MACROD2: variants seen among roughly 807,000 people sequenced by gnomAD.
The protein encoded by MACROD2 is mono-ADP ribosylhydrolase 2.
Under a neutral mutation model 70.4 loss-of-function variants are expected in MACROD2, and 36 were observed. The ratio of observed to expected loss-of-function variants is 0.51; its 90% confidence interval spans 0.39 to 0.68. The LOEUF (loss-of-function observed/expected upper bound fraction) is 0.68. Ranked by LOEUF, MACROD2 falls within the 30% of genes least tolerant of loss-of-function variation. The probability of loss-of-function intolerance (pLI) is 0.00; values close to 1 mark genes in which losing one functional copy is unlikely to be tolerated. For missense variants in MACROD2, 496 were observed against 538.4 expected (o/e 0.92, Z 0.78); for synonymous variants, 172 against 178.8 (o/e 0.96, Z 0.30).
chr20:16,036,040 A>C (rs1044105861), intron 15 of MACROD2, among the ~76,000 whole-genome samples: 1 of 152,000 alleles, frequency 6.6e-6, no homozygotes, highest in Non-Finnish European at 1.5e-5. Flanking sequence ...ATCTAATCCA[A>C]TTACATTAAT....
At chr20:14,786,212 G>T (rs967306274) in intron 5 of MACROD2, among the ~76,000 whole-genome samples, 2 of 149,968 alleles carry the variant, frequency 1.3e-5, no homozygotes, top group African/African-American at 5.0e-5. Flanking sequence ...GATAGAGAGA[G>T]AGAGAGAGAG....
intron 5 of MACROD2, among the ~76,000 whole-genome samples, chr20:14,720,850 C>T (rs991869341): frequency 2.0e-5 from 3 of 151,954 alleles, no homozygotes; most frequent in African/African-American, 7.2e-5. Flanking sequence ...CTGCTCCCGC[C>T]CACAAAACTT....
intron 8 of MACROD2, among the ~76,000 whole-genome samples, chr20:15,789,297 C>T (rs1346035550): frequency 6.6e-6 from 1 of 152,084 alleles, no homozygotes; most frequent in South Asian, 2.1e-4. Context: ...TTTTGGATTG[C>T]GTTCAGAGTC....
At chr20:15,486,052 T>C (rs757999357) in intron 7 of MACROD2, among the ~76,000 whole-genome samples, 1 of 152,162 alleles carries the variant, frequency 6.6e-6, no homozygotes, top group Non-Finnish European at 1.5e-5. Context: ...TGGGAGTTGA[T>C]ATTATAGACA....
At chr20:15,864,407 A>G (rs926563013) in intron 9 of MACROD2, among the ~76,000 whole-genome samples, 9 of 152,174 alleles carry the variant, frequency 5.9e-5, no homozygotes, top group African/African-American at 1.9e-4. Flanking sequence ...ATCATAATTG[A>G]TAAGATTTTA....
At position 15,353,467 on chromosome 20, in the gene MACROD2, CAA is replaced by C. The variant is rs1236184633; in HGVS notation, c.541-77935_541-77934del. 7.9e-5 allele frequency among the ~76,000 whole-genome samples: 12 copies of C among 151,984 alleles called. No homozygotes were observed. The East Asian group carries it at 2.3e-3, about 29-fold the overall frequency. ...GGCAAGGACTTCTTGTCTAAAACACCAAAAGCAATGGCAACAAAAGCCAAAAT... is the reference window on the plus strand; with the variant it reads ...GGCAAGGACTTCTTGTCTAAAACACCAAGCAATGGCAACAAAAGCCAAAAT... On this transcript the variant is annotated intron_variant, in intron 6 of 17. Transcript: ENST00000684519.
intron 13 of MACROD2, among the ~76,000 whole-genome samples, chr20:15,971,798 G>C (rs2066234687): frequency 6.6e-6 from 1 of 152,052 alleles, no homozygotes; most frequent in Non-Finnish European, 1.5e-5. Context: ...AGCATCCATG[G>C]AACTGTGGCT....
rs114043133 is a variant in MACROD2, at chr20:15,317,823, G to A, written c.540+87762G>A. 6.6e-3 allele frequency among the ~76,000 whole-genome samples: 1,008 copies of A among 152,026 alleles called. 11 individuals carry two copies. Among genetic ancestry groups the A allele is most frequent in the African/African-American group, 0.023 (951 of 41,464 alleles). On this transcript the variant is annotated intron_variant, in intron 6 of 17. Coordinates refer to ENST00000684519, the MANE Select transcript of MACROD2 (RefSeq NM_001351661.2). ...AACTGGTTGAAGCCCAAGCACATTA[G>A]GGAGGAAGGACAGTCTGCATTACTC... is the stretch of plus-strand genomic sequence containing the variant.
intron 8 of MACROD2, among the ~76,000 whole-genome samples, chr20:15,801,201 A>AAGGG (rs368711907): frequency 2.0e-5 from 2 of 98,110 alleles, no homozygotes; most frequent in African/African-American, 7.3e-5. Context: ...AAAAAAAAAA[A>AAGGG]AAACGAAAAA....
intron 12 of MACROD2, among the ~76,000 whole-genome samples, chr20:15,961,407 C>T (rs937064692): frequency 2.0e-5 from 3 of 152,172 alleles, no homozygotes; most frequent in African/African-American, 7.2e-5. Context: ...TCTGAGCCAA[C>T]AAGGTAGGTT....
At position 14,506,094 on chromosome 20, in the gene MACROD2, CTT is replaced by C. The variant is rs562741784; in HGVS notation, c.301+12588_301+12589del. On this transcript the variant is annotated intron_variant, in intron 4 of 17. Coordinates refer to ENST00000684519, the MANE Select transcript of MACROD2 (RefSeq NM_001351661.2). ...TCTGTAGTCAAACAAGACTCATAGA[CTT>C]TGAGTGGTGAGTGATTAATACGCCC... is the stretch of plus-strand genomic sequence containing the variant. Among the ~76,000 whole-genome samples, 255 of 152,158 alleles carry C rather than the reference CTT, an allele frequency of 1.7e-3. 1 individual carries two copies. Among genetic ancestry groups the C allele is most frequent in the African/African-American group, 5.8e-3 (241 of 41,534 alleles).
At chr20:15,232,427 A>C (rs976217379) in intron 6 of MACROD2, among the ~76,000 whole-genome samples, 2 of 152,034 alleles carry the variant, frequency 1.3e-5, no homozygotes, top group African/African-American at 4.8e-5. Flanking sequence ...TTTGCCACTT[A>C]TTACTGTGTG....
intron 17 of MACROD2, among the ~76,000 whole-genome samples, chr20:16,044,940 C>A (rs1216736806): frequency 6.6e-6 from 1 of 152,128 alleles, no homozygotes; most frequent in Admixed American, 6.5e-5. Context: ...CTGGAGTGGT[C>A]AAATTATTTC....
chr20:14,400,254 G>C (rs1445344301), intron 3 of MACROD2, among the ~76,000 whole-genome samples: 1 of 152,134 alleles, frequency 6.6e-6, no homozygotes, highest in East Asian at 1.9e-4. Flanking sequence ...TTTAAGGTTT[G>C]TTAGACAGTA....
intron 3 of MACROD2, among the ~76,000 whole-genome samples, chr20:14,276,431 A>T (rs1487673377): frequency 7.3e-6 from 1 of 137,016 alleles, no homozygotes; most frequent in Non-Finnish European, 1.5e-5. Flanking sequence ...GAACAATGAG[A>T]ACACATGGAC....
chr20:15,821,969 C>T (rs1342816967), intron 8 of MACROD2, among the ~76,000 whole-genome samples: 1 of 152,090 alleles, frequency 6.6e-6, no homozygotes, highest in East Asian at 1.9e-4. Flanking sequence ...TTGAACTGTG[C>T]AACAGTTAGG....
intron 6 of MACROD2, among the ~76,000 whole-genome samples, chr20:15,241,214 G>A (rs2077057229): frequency 6.6e-6 from 1 of 152,134 alleles, no homozygotes. Flanking sequence ...AGATTACATA[G>A]CTTATTAAAA....
chr20:14,202,433 A>G (rs2081487070), intron 3 of MACROD2, among the ~76,000 whole-genome samples: 1 of 152,216 alleles, frequency 6.6e-6, no homozygotes, highest in Non-Finnish European at 1.5e-5. Flanking sequence ...CTTTCCTTCT[A>G]CTTTAGTTAT....
At chr20:14,575,041 A>AAAAAAAAAAT (rs1175447813) in intron 4 of MACROD2, among the ~76,000 whole-genome samples, 2 of 23,862 alleles carry the variant, frequency 8.4e-5, no homozygotes, top group African/African-American at 1.5e-4. Flanking sequence ...AAAAAAAAAA[A>AAAAAAAAAAT]ATATTCACAA....
Sources: allele counts gnomAD v4.1 joint callset (sites outside exome capture counted in the v4.1 genomes callset), GRCh38; gene constraint gnomAD v4.1.1; transcripts MANE v1.5; gene names NCBI Gene and HGNC (gene_info 2026-07-23, HGNC 2026-07-21).